The following RACK1 variants were observed in gnomAD, a reference collection of about 807,000 sequenced individuals.
The protein encoded by RACK1 is receptor for activated C kinase 1.
Under a neutral mutation model 42.2 loss-of-function variants are expected in RACK1, and 3 were observed. The ratio of observed to expected loss-of-function variants is 0.07; its 90% CI spans 0.03 to 0.18. The LOEUF (loss-of-function observed/expected upper bound fraction) is 0.18. Ranked by LOEUF, RACK1 falls within the 10% of genes least tolerant of loss-of-function variation. The pLI is 1.00. For synonymous variants in RACK1, 181 were observed against 154.8 expected, an observed-to-expected ratio of 1.17 and a Z score of -1.25; for missense variants, 146 against 403.2, an observed-to-expected ratio of 0.36 and a Z score of 5.46.
chr5:181,237,764 G>A, intron 6 of RACK1, 45 bp from the exon 7 acceptor site: 1 of 1,032,418 alleles, frequency 9.7e-7, no homozygotes, highest in Non-Finnish European at 1.5e-6. Flanking sequence ...CCAATCAAGA[G>A]AGTCTCCTCT....
At chr5:181,241,989 C>A in intron 2 of RACK1, 185 bp downstream of exon 2, 1 of 785,106 alleles carries the variant, frequency 1.3e-6, no homozygotes, top group African/African-American at 1.7e-5. Flanking sequence ...AATGTTCAGC[C>A]ACACTCCTCA....
At chr5:181,238,896 G>A (rs1321659733) in intron 5 of RACK1, 171 bp downstream of exon 5, 3 of 695,432 alleles carry the variant, frequency 4.3e-6, no homozygotes, top group Non-Finnish European at 7.9e-6. Flanking sequence ...TGCCTTAACT[G>A]TCATTTGCTG....
intron 3 of RACK1, chr5:181,241,212 T>G (rs887720363): frequency 1.4e-5 from 4 of 277,530 alleles, no homozygotes; most frequent in Non-Finnish European, 2.7e-5. Flanking sequence ...GCAAATCGCC[T>G]GAGCCCAGGA....
intron 1 of RACK1, chr5:181,242,912 ACT>A (rs1759405507): frequency 3.0e-6 from 1 of 329,300 alleles, no homozygotes; most frequent in South Asian, 2.3e-5. Context: ...CTTTCCTGAA[ACT>A]CAGACGAACT....
At chr5:181,239,425 G>A (rs1487292531) in intron 4 of RACK1, 62 bp downstream of exon 4, 4 of 1,173,424 alleles carry the variant, frequency 3.4e-6, no homozygotes, top group Non-Finnish European at 3.9e-6. Flanking sequence ...AGGACTTGGA[G>A]TGTATGACCA....
intron 7 of RACK1, chr5:181,237,348 C>T (rs1467765561): frequency 1.4e-6 from 1 of 708,024 alleles, no homozygotes; most frequent in Non-Finnish European, 2.6e-6. Flanking sequence ...GGTGATAAGG[C>T]TCCAGACATT....
rs1490217688 is a variant in RACK1 at position 181,241,519 on chromosome 5, G to A, written c.402C>T (p.Thr134=). ...GGACAGTGTATTTGCACACACCCAG[G>A]GTATTCCATAGCTTGATGGTTTTAT... is the stretch of plus-strand genomic sequence containing the variant. ...SRDKTIKLWN[T]LGVCKYTVQD... Residue 134 remains threonine, a synonymous_variant, in exon 3 of 8, where the codon ACC becomes ACT. Transcript: ENST00000512805. 4 of 1,613,614 alleles carry A rather than the reference G, an allele frequency of 2.5e-6. No individual in the cohort carries two copies. Among genetic ancestry groups the A allele is most frequent in the Admixed American group, 1.7e-5 (1 of 59,982 alleles).
chr5:181,243,871 C>A lies in RACK1; in HGVS notation c.-71G>T. On this transcript the variant is annotated 5_prime_UTR_variant, in exon 1 of 8. Coordinates refer to ENST00000512805, the MANE Select transcript of RACK1 (RefSeq NM_006098.5). ...GGATGGCTTAGAGAAACTAGCACCA[C>A]AACCTCTCCTGCCGCCGCCTTGCAG... The A allele has an allele frequency of 2.0e-6, 3 of 1,507,934 alleles. No homozygotes were observed. Among genetic ancestry groups the A allele is most frequent in the South Asian group, 2.5e-5 (2 of 79,486 alleles). 93.4% of individuals were successfully genotyped at this position (1,507,934 alleles called of 1,614,324 possible). A position where few individuals can be genotyped will look rare whatever the true frequency, so the allele number is the denominator to read the frequency against.
intron 2 of RACK1, 89 bp from the exon 3 acceptor site, chr5:181,241,728 T>C (rs1002131846): frequency 3.0e-5 from 41 of 1,373,606 alleles, no homozygotes; most frequent in South Asian, 1.0e-4. Context: ...CTCTGTCTCA[T>C]TGCATCACTC....
chr5:181,243,407 T>C lies in RACK1; in HGVS notation c.109+285A>G, dbSNP rs771992130. On this transcript the variant is annotated intron_variant, in intron 1 of 7. Coordinates refer to ENST00000512805, the MANE Select transcript of RACK1 (RefSeq NM_006098.5). ...CCGGCCCGTAGGCCCCCGGCCACAC[T>C]ACGAAGGAGAAGGCAAAAGATATTT... The C allele has an allele frequency of 3.4e-6, 5 of 1,450,994 alleles. No homozygotes were observed. In the East Asian group the frequency reaches 1.6e-4, roughly 46 times the overall value. 89.9% of individuals were successfully genotyped at this position (1,450,994 alleles called of 1,614,324 possible).
At chr5:181,243,376 C>A (rs1159713716) in intron 1 of RACK1, 1 of 1,406,726 alleles carries the variant, frequency 7.1e-7, no homozygotes, top group South Asian at 1.1e-5. Flanking sequence ...GTCATCACCG[C>A]CCCGCCCGGC....
intron 3 of RACK1, chr5:181,241,124 G>GAAAA: frequency 7.5e-6 from 1 of 133,414 alleles, no homozygotes; most frequent in Non-Finnish European, 1.6e-5. Context: ...CTGTCTCCGA[G>GAAAA]AAAAAAAAAA....
intron 3 of RACK1, 95 bp from the exon 4 acceptor site, chr5:181,239,677 G>C: frequency 1.3e-6 from 1 of 747,354 alleles, no homozygotes; most frequent in Non-Finnish European, 2.3e-6. Context: ...ATGGCTGGCA[G>C]CACCTTTCAA....
At chr5:181,239,459 A>G (rs1759262135) in intron 4 of RACK1, 28 bp downstream of exon 4, 3 of 1,536,366 alleles carry the variant, frequency 2.0e-6, no homozygotes, top group East Asian at 4.5e-5. Flanking sequence ...CCTGACTGGT[A>G]AAGCCCCTGC....
chr5:181,242,487 A>G (rs1759380542), intron 1 of RACK1, 142 bp from the exon 2 acceptor site: 9 of 672,532 alleles, frequency 1.3e-5, no homozygotes, highest in Non-Finnish European at 2.4e-5. Flanking sequence ...AACAGACAAG[A>G]GCAGTTACAG....
chr5:181,242,128 C>T (rs1314655871), intron 2 of RACK1, 46 bp downstream of exon 2: 6 of 1,555,412 alleles, frequency 3.9e-6, no homozygotes, highest in Non-Finnish European at 5.3e-6. Context: ...CTCACTTCTG[C>T]CCAGATTCTT....
rs757359632 is a variant in RACK1 at position 181,239,634 on chromosome 5, C to T, written c.430-52G>A. On this transcript the variant is annotated intron_variant, in intron 3 of 7. Coordinates refer to ENST00000512805, the MANE Select transcript of RACK1 (RefSeq NM_006098.5). ...GCAAACAGTCCTATCCCATGAAATG[C>T]TAGACCTCCCAGCCCTACCCCTCAG... 54 of 1,191,448 alleles carry T rather than the reference C, an allele frequency of 4.5e-5. No individual in the cohort carries two copies. In the South Asian group the frequency reaches 6.8e-4, roughly 15 times the overall value. The allele number at this position is 1,191,448 out of a possible 1,614,324, so 73.8% of individuals were successfully genotyped here. A position where few individuals can be genotyped will look rare whatever the true frequency, so the allele number is the denominator to read the frequency against.
Position 181,239,145 on chromosome 5 carries a change from G to C in RACK1, c.558C>G (p.Thr186=), listed in dbSNP as rs748825736. 1.2e-6 allele frequency: 2 copies of C among 1,613,800 alleles called. No homozygotes were observed. Among genetic ancestry groups the C allele is most frequent in the South Asian group, 2.2e-5 (2 of 91,066 alleles). ...VWNLANCKLK[T]NHIGHTGYLN... is the part of the protein sequence containing the mutation. ...GATAGCCTGTGTGGCCAATGTGGTT[G>C]GTCTTCAGCTTGCAGTTAGCCAGGT... Residue 186 remains threonine (T), a synonymous_variant, in exon 5 of 8, where the codon ACC becomes ACG. Coordinates refer to ENST00000512805, the MANE Select transcript of RACK1 (RefSeq NM_006098.5).
chr5:181,243,604 TGCCAC>T, intron 1 of RACK1, 83 bp downstream of exon 1: 1 of 1,490,748 alleles, frequency 6.7e-7, no homozygotes. Context: ...GCCACCGGCC[TGCCAC>T]ACCACACGCG....
Sources: allele counts gnomAD v4.1 joint callset, GRCh38; gene constraint gnomAD v4.1.1; transcripts MANE v1.5; gene names NCBI Gene and HGNC (gene_info 2026-07-23, HGNC 2026-07-21).